Variants in ZMYM2 observed in about 807,000 individuals in gnomAD.
ZMYM2 encodes the protein zinc finger MYM-type protein 2.
A neutral mutation model predicts 162.8 loss-of-function variants in ZMYM2; 56 were observed. The observed-to-expected ratio is 0.34, with a 90% CI of 0.28 to 0.43. ZMYM2 has a LOEUF of 0.43. ZMYM2 is among the 20% of genes least tolerant of loss of function. The pLI is 1.00. For synonymous variants in ZMYM2, 510 were observed against 541.6 expected (o/e 0.94, Z 0.81); for missense variants, 1,275 against 1,621.8 (o/e 0.79, Z 3.67).
chr13:20,088,225 A>C lies in ZMYM2; in HGVS notation c.*2211A>C, dbSNP rs1593307355. The C allele has an allele frequency of 9.6e-6, 2 of 208,002 alleles. No homozygotes were observed. The highest frequency in any genetic ancestry group is 4.5e-5 in the African/African-American group (2 of 43,964). The allele number at this position is 208,002 out of a possible 1,614,324, so 12.9% of individuals were successfully genotyped here. ...TAACTTGATTCTCAGGGGGAAAAGA[A>C]AAACTTATTTTATGAGAATTGTTTG... is the stretch of plus-strand genomic sequence containing the variant. On this transcript the variant is annotated 3_prime_UTR_variant, in exon 25 of 25. Coordinates refer to ENST00000610343, the MANE Select transcript of ZMYM2 (RefSeq NM_197968.4).
chr13:20,021,979 G>C (rs189365748), intron 7 of ZMYM2, among the ~76,000 whole-genome samples: 2 of 152,152 alleles, frequency 1.3e-5, no homozygotes, highest in African/African-American at 4.8e-5. Flanking sequence ...AGTGAAACTA[G>C]TAAGTAGGCT....
the ZMYM2 span, among the ~76,000 whole-genome samples, chr13:19,896,846 G>A: frequency 1.3e-5 from 2 of 151,068 alleles, no homozygotes; most frequent in Non-Finnish European, 2.9e-5. Context: ...AGGCCGAGGC[G>A]GGTGGATCAC....
chr13:19,965,082 A>T, intron 2 of ZMYM2: 1 of 266,590 alleles, frequency 3.8e-6, no homozygotes, highest in Non-Finnish European at 5.9e-6. Context: ...AACTTAAAGT[A>T]TAATAAAAAA....
intron 6 of ZMYM2, among the ~76,000 whole-genome samples, chr13:20,018,767 CAT>C (rs150814512): frequency 7.2e-5 from 11 of 152,210 alleles, no homozygotes; most frequent in African/African-American, 2.6e-4. Context: ...TGGAAACTGT[CAT>C]ATGTGCTTTC....
At chr13:20,067,213 T>C (rs950966015) in intron 20 of ZMYM2, 26 bp from the exon 21 acceptor site, 2 of 1,510,398 alleles carry the variant, frequency 1.3e-6, no homozygotes, top group African/African-American at 2.8e-5. Context: ...ATAATAACAA[T>C]TATTTTTTAT....
At chr13:19,997,191 A>G (rs1372911464) in intron 3 of ZMYM2, among the ~76,000 whole-genome samples, 2 of 152,110 alleles carry the variant, frequency 1.3e-5, no homozygotes, top group East Asian at 3.9e-4. Flanking sequence ...CATACCATTA[A>G]CTATTTATAT....
chr13:19,982,863 C>G (rs1482381358), intron 2 of ZMYM2, among the ~76,000 whole-genome samples: 1 of 152,050 alleles, frequency 6.6e-6, no homozygotes, highest in Non-Finnish European at 1.5e-5. Flanking sequence ...ATCTGCCTTC[C>G]CTCTTCCAAA....
At chr13:19,968,414 T>C (rs1056024187) in intron 2 of ZMYM2, among the ~76,000 whole-genome samples, 2 of 152,116 alleles carry the variant, frequency 1.3e-5, no homozygotes, top group African/African-American at 4.8e-5. Flanking sequence ...TGCGCGCCAC[T>C]GTCCCTGGCT....
chr13:19,963,267 G>A (rs967690683), intron 2 of ZMYM2, among the ~76,000 whole-genome samples: 4 of 152,272 alleles, frequency 2.6e-5, no homozygotes, highest in African/African-American at 9.6e-5. Flanking sequence ...GACTCCCTGC[G>A]TTTTGCTCCT....
intron 12 of ZMYM2, among the ~76,000 whole-genome samples, chr13:20,037,733 A>C (rs554469296): frequency 3.8e-4 from 58 of 152,326 alleles, no homozygotes; most frequent in Admixed American, 1.0e-3. Context: ...TGTCATACTA[A>C]ACCCACTTTA....
chr13:20,060,910 C>CAA, intron 16 of ZMYM2, 143 bp from the exon 17 acceptor site: 1 of 756,672 alleles, frequency 1.3e-6, no homozygotes, highest in Non-Finnish European at 2.1e-6. Flanking sequence ...TCACAGTTAA[C>CAA]ATCTTAGTTT....
At chr13:20,058,167 A>C (rs1955953205) in intron 14 of ZMYM2, among the ~76,000 whole-genome samples, 1 of 152,210 alleles carries the variant, frequency 6.6e-6, no homozygotes, top group Admixed American at 6.5e-5. Context: ...TTTATCCAGC[A>C]GAGGGAGTGA....
chr13:19,948,014 A>AG, the ZMYM2 span, among the ~76,000 whole-genome samples: 1 of 79,298 alleles, frequency 1.3e-5, no homozygotes, highest in Admixed American at 1.9e-4. Context: ...AAAAAAAAAA[A>AG]AAGTTACATC....
intron 12 of ZMYM2, among the ~76,000 whole-genome samples, chr13:20,038,194 G>T (rs192711130): frequency 6.6e-6 from 1 of 152,046 alleles, no homozygotes; most frequent in Non-Finnish European, 1.5e-5. Flanking sequence ...TCTACTATTG[G>T]TAGGCATTTA....
At chr13:19,955,596 C>T (rs961790776), upstream of ZMYM2, among the ~76,000 whole-genome samples, 1 of 152,156 alleles carries the variant, frequency 6.6e-6, no homozygotes, top group Non-Finnish European at 1.5e-5. Context: ...TTTTATATCA[C>T]TTTCACAGAA....
At chr13:19,918,216 G>A in the ZMYM2 span, among the ~76,000 whole-genome samples, 1 of 151,790 alleles carries the variant, frequency 6.6e-6, no homozygotes, top group African/African-American at 2.4e-5. Flanking sequence ...AGGCCAAGGT[G>A]GGTGGATTAC....
At chr13:20,075,633 G>A (rs116246460) in intron 21 of ZMYM2, among the ~76,000 whole-genome samples, 1,939 of 142,064 alleles carry the variant, frequency 0.014, 33 homozygotes, top group African/African-American at 0.047. Flanking sequence ...ACACATATCC[G>A]TCATACTAAA....
chr13:20,072,919 T>G (rs1381515634), intron 21 of ZMYM2, among the ~76,000 whole-genome samples: 2 of 152,030 alleles, frequency 1.3e-5, no homozygotes, highest in African/African-American at 2.4e-5. Flanking sequence ...TAGTTCTTTT[T>G]TTTTTTTGAG....
intron 10 of ZMYM2, among the ~76,000 whole-genome samples, chr13:20,032,417 G>T (rs1162660373): frequency 6.6e-6 from 1 of 150,852 alleles, no homozygotes; most frequent in Non-Finnish European, 1.5e-5. Context: ...TGCTTTAGGG[G>T]TGGGGCAGGG....
Sources: allele counts gnomAD v4.1 joint callset (sites outside exome capture counted in the v4.1 genomes callset), GRCh38; gene constraint gnomAD v4.1.1; transcripts MANE v1.5; gene names NCBI Gene and HGNC (gene_info 2026-07-23, HGNC 2026-07-21).